Variants in MAP4K3 observed in about 807,000 individuals in gnomAD.
The protein encoded by MAP4K3 is MAPK/ERK kinase kinase kinase 3.
Under a neutral mutation model 143.5 loss-of-function variants are expected in MAP4K3, and 94 were observed. That is an observed-to-expected ratio of 0.65 (90% CI 0.55 to 0.78). The LOEUF is 0.78. MAP4K3 is among the 30% of genes least tolerant of loss of function. The pLI is 0.00. For synonymous variants in MAP4K3, 416 were observed against 347.2 expected (o/e 1.20, Z -2.20); for missense variants, 1,077 against 1,068.1 (o/e 1.01, Z -0.12).
intron 26 of MAP4K3, 56 bp downstream of exon 26, chr2:39,272,223 CATAA>C: frequency 7.8e-7 from 1 of 1,289,982 alleles, no homozygotes. Flanking sequence ...CTTTCTGTAA[CATAA>C]ATATTTATGA....
intron 1 of MAP4K3, among the ~76,000 whole-genome samples, chr2:39,424,499 G>A (rs1393286280): frequency 6.6e-6 from 1 of 152,052 alleles, no homozygotes; most frequent in Non-Finnish European, 1.5e-5. Flanking sequence ...GACTCTGGAA[G>A]GGACTGTGCC....
chr2:39,280,304 C>T lies in MAP4K3; in HGVS notation c.1682G>A (p.Cys561Tyr), dbSNP rs1391047622. The stretch of plus-strand genomic sequence containing the variant: ...ATCTGGGTTTATCCATGATGATGCA[C>T]AGTGAATTTTCAAGGGACACCCATT... ...VFNGCPLKIH[C>Y]ASSWINPDTR... Residue 561 changes from cysteine to tyrosine, a missense_variant, in exon 23 of 34, where the codon TGT becomes TAT. Coordinates refer to ENST00000263881, the MANE Select transcript of MAP4K3 (RefSeq NM_003618.4). 2 of 1,599,088 alleles carry T rather than the reference C, an allele frequency of 1.3e-6. No homozygotes were observed. The highest frequency in any genetic ancestry group is 1.7e-6 in the Non-Finnish European group (2 of 1,171,032).
intron 1 of MAP4K3, among the ~76,000 whole-genome samples, chr2:39,418,070 G>C (rs1385921672): frequency 6.6e-6 from 1 of 152,036 alleles, no homozygotes; most frequent in Non-Finnish European, 1.5e-5. Context: ...GGATGTGGTG[G>C]CGCGTGCCTG....
intron 22 of MAP4K3, among the ~76,000 whole-genome samples, chr2:39,282,041 A>C (rs1681555146): frequency 6.6e-6 from 1 of 151,872 alleles, no homozygotes; most frequent in Non-Finnish European, 1.5e-5. Context: ...AAAACACACA[A>C]AAAATTAGCC....
At chr2:39,389,910 T>C (rs539974888) in intron 1 of MAP4K3, among the ~76,000 whole-genome samples, 1 of 152,262 alleles carries the variant, frequency 6.6e-6, no homozygotes, top group East Asian at 1.9e-4. Flanking sequence ...TTTAAAAAAC[T>C]AGAACTCAAA....
At chr2:39,435,863 C>T (rs1170266292) in intron 1 of MAP4K3, among the ~76,000 whole-genome samples, 1 of 152,196 alleles carries the variant, frequency 6.6e-6, no homozygotes, top group Non-Finnish European at 1.5e-5. Context: ...ACACTGGCTG[C>T]ACTGTATTAA....
At chr2:39,290,585 C>T (rs1682001255) in intron 18 of MAP4K3, among the ~76,000 whole-genome samples, 1 of 151,670 alleles carries the variant, frequency 6.6e-6, no homozygotes, top group Admixed American at 6.6e-5. Context: ...TGATCTTACT[C>T]ATGTGGAAGC....
chr2:39,379,220 C>T (rs1292809037), intron 1 of MAP4K3, among the ~76,000 whole-genome samples: 2 of 151,794 alleles, frequency 1.3e-5, no homozygotes, highest in Non-Finnish European at 2.9e-5. Context: ...AAAATACCAG[C>T]CAAAGATCTA....
intron 2 of MAP4K3, among the ~76,000 whole-genome samples, chr2:39,368,630 C>T (rs913100599): frequency 5.9e-5 from 9 of 151,648 alleles, no homozygotes; most frequent in African/African-American, 2.2e-4. Flanking sequence ...GATCACATCA[C>T]TATACTCCAG....
intron 2 of MAP4K3, among the ~76,000 whole-genome samples, chr2:39,368,827 T>C (rs746136394): frequency 1.5e-4 from 23 of 152,224 alleles, no homozygotes; most frequent in Admixed American, 2.6e-4. Flanking sequence ...TGAGGTTACA[T>C]AGGCATAAAC....
At chr2:39,401,625 C>A (rs1023371367) in intron 1 of MAP4K3, among the ~76,000 whole-genome samples, 7 of 152,000 alleles carry the variant, frequency 4.6e-5, no homozygotes. Flanking sequence ...CACGGCGAAA[C>A]CCATCTCTAC....
intron 1 of MAP4K3, among the ~76,000 whole-genome samples, chr2:39,386,817 G>GTTATTTTTTTTTTTTT (rs774347519): frequency 3.1e-5 from 1 of 32,164 alleles, no homozygotes; most frequent in African/African-American, 7.7e-5. Context: ...TTTTTTTGTT[G>GTTATTTTTTTTTTTTT]TTCTTTTTTT....
chr2:39,305,240 AC>A (rs1264319975), intron 15 of MAP4K3, among the ~76,000 whole-genome samples: 1 of 152,198 alleles, frequency 6.6e-6, no homozygotes, highest in East Asian at 1.9e-4. Context: ...AGTAAAAAAA[AC>A]AAAAACAAAA....
chr2:39,301,895 G>A (rs918776631), intron 15 of MAP4K3, among the ~76,000 whole-genome samples: 10 of 152,048 alleles, frequency 6.6e-5, no homozygotes, highest in Non-Finnish European at 1.3e-4. Context: ...GTGGTGGCTC[G>A]CGCCTGTAGT....
At chr2:39,379,566 A>G (rs1481349704) in intron 1 of MAP4K3, among the ~76,000 whole-genome samples, 1 of 152,136 alleles carries the variant, frequency 6.6e-6, no homozygotes, top group African/African-American at 2.4e-5. Flanking sequence ...AGCATTCTGT[A>G]AAGGAGGCAG....
chr2:39,353,742 C>T (rs1378368940), intron 3 of MAP4K3, among the ~76,000 whole-genome samples: 1 of 140,570 alleles, frequency 7.1e-6, no homozygotes, highest in Non-Finnish European at 1.6e-5. Flanking sequence ...GTAGTAGCAG[C>T]AGCAGCAGCA....
intron 13 of MAP4K3, among the ~76,000 whole-genome samples, chr2:39,313,776 AG>A (rs1683022707): frequency 6.7e-6 from 1 of 150,288 alleles, no homozygotes. Flanking sequence ...GCCTCCCAAA[AG>A]TACTGGGATT....
chr2:39,400,173 C>T (rs1053518212), intron 1 of MAP4K3, among the ~76,000 whole-genome samples: 2 of 152,150 alleles, frequency 1.3e-5, no homozygotes, highest in Non-Finnish European at 2.9e-5. Flanking sequence ...CCTTAACCCT[C>T]CCCATCCCTC....
intron 1 of MAP4K3, among the ~76,000 whole-genome samples, chr2:39,388,047 A>C (rs1430554550): frequency 1.3e-5 from 2 of 152,212 alleles, no homozygotes; most frequent in Non-Finnish European, 2.9e-5. Flanking sequence ...TTTAATTCTG[A>C]ATTTTGGAAT....
Sources: allele counts gnomAD v4.1 joint callset (sites outside exome capture counted in the v4.1 genomes callset), GRCh38; gene constraint gnomAD v4.1.1; transcripts MANE v1.5; gene names NCBI Gene and HGNC (gene_info 2026-07-23, HGNC 2026-07-21).